The following STT3B variants were observed in gnomAD, a reference collection of about 807,000 sequenced individuals.
The protein encoded by STT3B is STT3 oligosaccharyltransferase complex catalytic subunit B, also known as dolichyl-diphosphooligosaccharide--protein glycosyltransferase subunit STT3B.
In STT3B, 29 loss-of-function variants were observed where a neutral mutation model predicts 96.8. The ratio of observed to expected loss-of-function variants is 0.30; its 90% CI spans 0.22 to 0.41. STT3B has a LOEUF of 0.41. Ranked by LOEUF, STT3B falls within the 10% of genes least tolerant of loss-of-function variation. STT3B has a pLI of 1.00. For synonymous variants in STT3B, 367 were observed against 360.0 expected, an observed-to-expected ratio of 1.02 and a Z score of -0.22; for missense variants, 640 against 1,022.3, an observed-to-expected ratio of 0.63 and a Z score of 5.10.
At chr3:31,620,865 T>C (rs75879509) in intron 9 of STT3B, among the ~76,000 whole-genome samples, 4,086 of 152,234 alleles carry the variant, frequency 0.027, 182 homozygotes, top group African/African-American at 0.094. Context: ...GAACAGCACC[T>C]GTAGGGGTTC....
At position 31,636,113 on chromosome 3, in the gene STT3B, G is replaced by C. The variant is rs371245631; in HGVS notation, c.*49G>C. 1 of 1,410,506 alleles carries C rather than the reference G, an allele frequency of 7.1e-7. No individual in the cohort carries two copies. The highest frequency in any genetic ancestry group is 2.4e-5 in the East Asian group (1 of 41,602). 87.4% of individuals were successfully genotyped at this position (1,410,506 alleles called of 1,614,324 possible). On this transcript the variant is annotated 3_prime_UTR_variant, in exon 16 of 16. Coordinates refer to ENST00000295770, the MANE Select transcript of STT3B (RefSeq NM_178862.3). ...TGAAGCAGTTGTCCTTGTGAGAACC[G>C]GTCTTTGCCTTTAGCTCATGTCGTG... is the stretch of plus-strand genomic sequence containing the variant.
intron 5 of STT3B, among the ~76,000 whole-genome samples, chr3:31,614,724 G>T (rs1575442058): frequency 2.0e-5 from 3 of 151,906 alleles, no homozygotes; most frequent in East Asian, 3.9e-4. Context: ...ATTAAGTCGT[G>T]TATTTTGGAT....
intron 15 of STT3B, among the ~76,000 whole-genome samples, chr3:31,634,343 CTTG>C (rs1274551468): frequency 6.6e-6 from 1 of 152,192 alleles, no homozygotes; most frequent in African/African-American, 2.4e-5. Flanking sequence ...GGCTGTTGAA[CTTG>C]TTGTCTGATG....
At chr3:31,614,979 C>A (rs887981618) in intron 5 of STT3B, 126 bp from the exon 6 acceptor site, 9 of 519,730 alleles carry the variant, frequency 1.7e-5, no homozygotes, top group Middle Eastern at 4.9e-4. Flanking sequence ...TAATAAAAGT[C>A]ATTTCAAGAT....
intron 5 of STT3B, among the ~76,000 whole-genome samples, chr3:31,606,832 T>A (rs1469811197): frequency 6.6e-6 from 1 of 152,114 alleles, no homozygotes; most frequent in Non-Finnish European, 1.5e-5. Context: ...ACCATGCGCC[T>A]AGAAAAGCTG....
chr3:31,633,821 GAACA>G (rs892700906), intron 15 of STT3B, among the ~76,000 whole-genome samples: 6 of 152,074 alleles, frequency 3.9e-5, no homozygotes, highest in African/African-American at 1.4e-4. Context: ...GGGAAGTAAT[GAACA>G]GTCAGATAAA....
intron 10 of STT3B, 61 bp from the exon 11 acceptor site, chr3:31,623,613 G>T (rs1014433693): frequency 3.1e-6 from 4 of 1,305,350 alleles, no homozygotes; most frequent in Admixed American, 4.4e-5. Flanking sequence ...TTTCCATTGA[G>T]TATCTTAATG....
chr3:31,573,886 C>G (rs879529818), intron 1 of STT3B, among the ~76,000 whole-genome samples: 27 of 151,748 alleles, frequency 1.8e-4, no homozygotes, highest in Admixed American at 6.6e-4. Flanking sequence ...GCTACCTATA[C>G]AGAAAACAGA....
At chr3:31,608,483 T>C (rs536271630) in intron 5 of STT3B, among the ~76,000 whole-genome samples, 18 of 152,348 alleles carry the variant, frequency 1.2e-4, no homozygotes, top group Non-Finnish European at 1.6e-4. Context: ...GCTGCTAATA[T>C]GACTCATTGT....
At chr3:31,594,713 C>T (rs1352204909) in intron 3 of STT3B, among the ~76,000 whole-genome samples, 1 of 152,204 alleles carries the variant, frequency 6.6e-6, no homozygotes, top group South Asian at 2.1e-4. Context: ...AGCCACTGGG[C>T]CCAGCCCCCC....
At chr3:31,555,434 G>C (rs1320089602) in intron 1 of STT3B, among the ~76,000 whole-genome samples, 1 of 152,114 alleles carries the variant, frequency 6.6e-6, no homozygotes, top group South Asian at 2.1e-4. Flanking sequence ...TAAGAACACT[G>C]TTAGATGTTG....
At chr3:31,601,473 G>T (rs907481791) in intron 5 of STT3B, among the ~76,000 whole-genome samples, 5 of 152,210 alleles carry the variant, frequency 3.3e-5, no homozygotes, top group African/African-American at 1.2e-4. Flanking sequence ...ATATGATTCT[G>T]TTAGTGTGAA....
intron 1 of STT3B, among the ~76,000 whole-genome samples, chr3:31,546,749 T>A (rs184461586): frequency 6.6e-6 from 1 of 152,338 alleles, no homozygotes; most frequent in East Asian, 1.9e-4. Context: ...TAGGAGGTTA[T>A]ATGTATATGT....
At chr3:31,616,600 C>T (rs1191461438) in intron 6 of STT3B, among the ~76,000 whole-genome samples, 1 of 151,794 alleles carries the variant, frequency 6.6e-6, no homozygotes, top group East Asian at 1.9e-4. Flanking sequence ...TTACTTCCCT[C>T]CACCCCAGAA....
intron 1 of STT3B, among the ~76,000 whole-genome samples, chr3:31,572,696 T>C (rs1261354233): frequency 1.3e-5 from 2 of 152,178 alleles, no homozygotes; most frequent in Non-Finnish European, 2.9e-5. Flanking sequence ...ACCTCATCTC[T>C]ACAAAGCATA....
intron 1 of STT3B, among the ~76,000 whole-genome samples, chr3:31,539,792 C>G (rs1387788968): frequency 6.6e-6 from 1 of 152,030 alleles, no homozygotes; most frequent in Admixed American, 6.5e-5. Context: ...ATGATCAAAT[C>G]CAACTGAATA....
intron 1 of STT3B, among the ~76,000 whole-genome samples, chr3:31,541,481 T>G (rs1181291013): frequency 1.3e-5 from 2 of 151,714 alleles, no homozygotes; most frequent in Non-Finnish European, 2.9e-5. Flanking sequence ...TGTTTTTTTT[T>G]TTTTTTGGCT....
intron 13 of STT3B, 62 bp downstream of exon 13, chr3:31,626,189 C>T (rs1181446331): frequency 2.1e-6 from 3 of 1,418,404 alleles, no homozygotes; most frequent in South Asian, 2.5e-5. Context: ...GTAATTCTCT[C>T]ATCTTGCTAA....
chr3:31,574,441 A>G (rs574346038), intron 1 of STT3B, among the ~76,000 whole-genome samples: 11 of 152,300 alleles, frequency 7.2e-5, no homozygotes, highest in Non-Finnish European at 1.3e-4. Context: ...GCCTTTAGAT[A>G]GAGAAGAACT....
Sources: gnomAD v4.1 joint callset for allele counts (sites outside exome capture counted in the v4.1 genomes callset) on GRCh38, gnomAD v4.1.1 for gene constraint, MANE v1.5 for transcripts, NCBI Gene and HGNC (gene_info 2026-07-23, HGNC 2026-07-21) for gene names.